SIK3: variants seen among roughly 807,000 people sequenced by gnomAD.
SIK3 encodes the protein serine/threonine-protein kinase SIK3.
In SIK3, 28 loss-of-function variants were observed where a neutral mutation model predicts 144.2. The observed-to-expected ratio is 0.19, with a 90% CI of 0.14 to 0.27. The LOEUF is 0.27. Ranked by LOEUF, SIK3 falls within the 10% of genes least tolerant of loss-of-function variation. SIK3 has a pLI of 1.00. For synonymous variants in SIK3, 686 were observed against 676.3 expected, an observed-to-expected ratio of 1.01 and a Z score of -0.22; for missense variants, 1,319 against 1,776.0, an observed-to-expected ratio of 0.74 and a Z score of 4.62.
intron 1 of SIK3, among the ~76,000 whole-genome samples, chr11:116,999,955 G>C (rs545643261): frequency 2.6e-5 from 4 of 152,252 alleles, no homozygotes; most frequent in African/African-American, 9.6e-5. Flanking sequence ...CAGAGCAACA[G>C]TGGGCATAAT....
At chr11:116,949,615 A>G (rs752610864) in intron 3 of SIK3, among the ~76,000 whole-genome samples, 3 of 152,154 alleles carry the variant, frequency 2.0e-5, no homozygotes, top group Non-Finnish European at 2.9e-5. Flanking sequence ...CTAGAATTAC[A>G]GGTGTGCACC....
At chr11:116,903,676 G>C (rs1214998883) in intron 4 of SIK3, among the ~76,000 whole-genome samples, 1 of 152,166 alleles carries the variant, frequency 6.6e-6, no homozygotes, top group African/African-American at 2.4e-5. Context: ...TTACCTCCTG[G>C]GCTCAAGCCA....
chr11:116,985,684 G>A (rs1317069616), intron 1 of SIK3, among the ~76,000 whole-genome samples: 1 of 152,018 alleles, frequency 6.6e-6, no homozygotes, highest in African/African-American at 2.4e-5. Context: ...AAGAAAACTG[G>A]GTTTTTCTTT....
intron 1 of SIK3, among the ~76,000 whole-genome samples, chr11:117,087,663 T>C (rs1591683077): frequency 6.6e-6 from 1 of 152,206 alleles, no homozygotes; most frequent in South Asian, 2.1e-4. Context: ...TGGCTTGCAG[T>C]GAGCCAAGCC....
intron 1 of SIK3, among the ~76,000 whole-genome samples, chr11:116,971,377 CG>C (rs1949759735): frequency 6.6e-6 from 1 of 152,112 alleles, no homozygotes; most frequent in Admixed American, 6.6e-5. Flanking sequence ...CCAAATTTGA[CG>C]ATGTTTCCAT....
chr11:116,920,532 T>TC, intron 4 of SIK3, among the ~76,000 whole-genome samples: 1 of 152,314 alleles, frequency 6.6e-6, no homozygotes, highest in South Asian at 2.1e-4. Context: ...TGTCTATTTA[T>TC]CCCCATTAGA....
In SIK3 at chr11:117,091,472, C is replaced by T. The variant is rs184662251; in HGVS notation, c.273+6671G>A. Among the ~76,000 whole-genome samples the T allele has an allele frequency of 1.5e-4, 23 of 152,220 alleles. No homozygotes were observed. In the East Asian group the frequency reaches 4.3e-3, roughly 28 times the overall value. ...CCACCTGCCTCAGCCTCCCAAAGTG[C>T]TGGAATTACAGGCGTGAGCCACCAT... On this transcript the variant is annotated intron_variant, in intron 1 of 24. Coordinates refer to ENST00000445177, the MANE Select transcript of SIK3 (RefSeq NM_001366686.3).
At chr11:116,982,602 T>G (rs1366236562) in intron 1 of SIK3, among the ~76,000 whole-genome samples, 1 of 152,202 alleles carries the variant, frequency 6.6e-6, no homozygotes, top group East Asian at 1.9e-4. Context: ...TTATTTTTCT[T>G]ACACTAGTTC....
intron 13 of SIK3, among the ~76,000 whole-genome samples, chr11:116,873,243 GA>G (rs953582465): frequency 6.6e-6 from 1 of 152,194 alleles, no homozygotes; most frequent in Non-Finnish European, 1.5e-5. Context: ...GCCCATTGAG[GA>G]AAAAGCTCTC....
chr11:116,858,537 G>A lies in SIK3; in HGVS notation c.2928C>T (p.Phe976=), dbSNP rs754542871. The A allele has an allele frequency of 1.2e-6, 2 of 1,613,598 alleles. No individual in the cohort carries two copies. Among genetic ancestry groups the A allele is most frequent in the Admixed American group, 1.7e-5 (1 of 59,926 alleles). ...QALKVPPLDQ[F]PTFPPSAHQQ... The stretch of plus-strand genomic sequence containing the variant: ...GATGTGCACTGGGAGGGAAGGTGGG[G>A]AATTGGTCAAGTGGAGGGACTTTCA... Residue 976 remains phenylalanine, a synonymous_variant, in exon 21 of 25, where the codon TTC becomes TTT. Coordinates refer to ENST00000445177, the MANE Select transcript of SIK3 (RefSeq NM_001366686.3). The surrounding 1 kb of genome is among the most constrained non-coding windows in gnomAD (Gnocchi z 5.4).
At chr11:116,979,567 C>A (rs2135505159) in intron 1 of SIK3, among the ~76,000 whole-genome samples, 1 of 152,204 alleles carries the variant, frequency 6.6e-6, no homozygotes, top group South Asian at 2.1e-4. Flanking sequence ...AAAGAGTAGG[C>A]TGGGTGCAGT....
intron 1 of SIK3, among the ~76,000 whole-genome samples, chr11:117,097,334 C>T (rs1294974770): frequency 6.6e-6 from 1 of 152,070 alleles, no homozygotes; most frequent in Non-Finnish European, 1.5e-5. Flanking sequence ...ACAAAGCCCA[C>T]AATTCCCGAC....
intron 4 of SIK3, among the ~76,000 whole-genome samples, chr11:116,911,998 A>T (rs962568082): frequency 3.9e-5 from 6 of 152,210 alleles, no homozygotes; most frequent in Admixed American, 3.9e-4. Flanking sequence ...AAGCCATATG[A>T]GTGGAGCGAA....
intron 1 of SIK3, among the ~76,000 whole-genome samples, chr11:117,065,248 C>T (rs1953959282): frequency 6.6e-6 from 1 of 151,660 alleles, no homozygotes; most frequent in East Asian, 1.9e-4. Context: ...TGGTTTCTTC[C>T]CTTGTTCTGA....
At chr11:116,872,510 GA>G (rs1290575098) in intron 13 of SIK3, among the ~76,000 whole-genome samples, 12 of 152,144 alleles carry the variant, frequency 7.9e-5, no homozygotes, top group Non-Finnish European at 1.5e-5. Flanking sequence ...TTTCATTACT[GA>G]AAGTGTGGCC....
intron 4 of SIK3, among the ~76,000 whole-genome samples, chr11:116,922,749 ATT>A (rs147308462): frequency 0.073 from 11,125 of 152,146 alleles, 725 homozygotes; most frequent in African/African-American, 0.18. Flanking sequence ...ATGCATGATT[ATT>A]TTCATTAAAA....
rs961777455 is a variant in SIK3, at chr11:116,859,551, G to C, written c.2479C>G (p.Gln827Glu). The change falls in exon 20 of 25, where the codon CAG becomes GAG. Residue 827 changes from glutamine to glutamate, a missense_variant. Physicochemically the swap from Gln to Glu is conservative, Grantham distance 29. This residue lies in a region of SIK3 where 646 missense variants were observed against 763.7 expected (regional missense o/e 0.85). Transcript: ENST00000445177. ...QGLPSRSAIF[Q>E]QQPENCSSPP... ...GAGGAACAGTTCTCAGGTTGCTGCTGAAAGATTGCACTGCGGGAAGGTAAG... is the reference window on the plus strand; with the variant it reads ...GAGGAACAGTTCTCAGGTTGCTGCTCAAAGATTGCACTGCGGGAAGGTAAG... 21 of 1,614,192 alleles carry C rather than the reference G, an allele frequency of 1.3e-5. No individual in the cohort carries two copies. The highest frequency in any genetic ancestry group is 1.7e-5 in the Non-Finnish European group (20 of 1,180,032).
At chr11:116,873,302 C>T (rs17120111) in intron 13 of SIK3, among the ~76,000 whole-genome samples, 179 bp downstream of exon 13, 24,185 of 152,110 alleles carry the variant, frequency 0.16, 2,015 homozygotes, top group African/African-American at 0.18. Flanking sequence ...TAAGTAAGTT[C>T]GCCAAAAATA....
rs867108442 is a variant in SIK3, at chr11:117,071,615, A to G, written c.273+26528T>C. ...AAGGGAGGGGAAAAGAGAAATTCCA[A>G]GAGTTGTTGTTTTGTTTTGTAAGAC... On this transcript the variant is annotated intron_variant, in intron 1 of 24. Coordinates refer to ENST00000445177, the MANE Select transcript of SIK3 (RefSeq NM_001366686.3). Among the ~76,000 whole-genome samples the G allele has an allele frequency of 3.3e-5, 5 of 152,038 alleles. No individual in the cohort carries two copies. The South Asian group carries it at 1.0e-3, about 32-fold the overall frequency.
Sources: allele counts gnomAD v4.1 joint callset (sites outside exome capture counted in the v4.1 genomes callset), GRCh38; gene constraint gnomAD v4.1.1; regional missense constraint gnomAD v4.1.1; non-coding constraint Gnocchi (gnomAD v3.1); transcripts MANE v1.5; gene names NCBI Gene and HGNC (gene_info 2026-07-23, HGNC 2026-07-21).